Variants in TMX2 observed in about 807,000 individuals in gnomAD.
TMX2 encodes thioredoxin-related transmembrane protein 2.
In TMX2, 20 loss-of-function variants were observed where a neutral mutation model predicts 33.4. The observed-to-expected ratio is 0.60, with a 90% CI of 0.42 to 0.87. The LOEUF (loss-of-function observed/expected upper bound fraction) is 0.87. Among genes scored for constraint, TMX2 ranks in the 40% least tolerant of loss-of-function variants. The pLI, the probability that TMX2 is intolerant of heterozygous loss-of-function variation, is 0.00. For missense variants in TMX2, 340 were observed against 370.7 expected (o/e 0.92, Z 0.68); for synonymous variants, 166 against 140.7 (o/e 1.18, Z -1.27).
At chr11:57,737,515 GC>G (rs1948822234) in intron 1 of TMX2, 92 bp from the exon 2 acceptor site, 2 of 998,024 alleles carry the variant, frequency 2.0e-6, no homozygotes, top group East Asian at 4.9e-5. Context: ...AGTTTGGATC[GC>G]TATTGGTTTT....
intron 1 of TMX2, among the ~76,000 whole-genome samples, chr11:57,723,551 C>T (rs1947777895): frequency 6.6e-6 from 1 of 151,118 alleles, no homozygotes; most frequent in African/African-American, 2.4e-5. Context: ...GCCTGTAATC[C>T]CAGCACTTTG....
chr11:57,721,764 G>C (rs1457127968), intron 1 of TMX2, among the ~76,000 whole-genome samples: 1 of 152,054 alleles, frequency 6.6e-6, no homozygotes, highest in Non-Finnish European at 1.5e-5. Flanking sequence ...TCAAAAATAG[G>C]CTAAGATAGC....
chr11:57,721,568 G>C (rs1020536044), intron 1 of TMX2, among the ~76,000 whole-genome samples: 2 of 151,980 alleles, frequency 1.3e-5, no homozygotes, highest in East Asian at 3.9e-4. Flanking sequence ...CACCAGCCTC[G>C]GCCTCCCAAA....
intron 1 of TMX2, among the ~76,000 whole-genome samples, chr11:57,730,517 A>ATCTGAGG (rs1247548438): frequency 5.6e-4 from 84 of 148,926 alleles, no homozygotes; most frequent in Non-Finnish European, 8.6e-4. Flanking sequence ...CGGGCAGATC[A>ATCTGAGG]TCTGAGGTCA....
At chr11:57,736,264 C>T (rs1948745358) in intron 1 of TMX2, among the ~76,000 whole-genome samples, 1 of 151,678 alleles carries the variant, frequency 6.6e-6, no homozygotes, top group Non-Finnish European at 1.5e-5. Flanking sequence ...AATCTTTTGG[C>T]TTCCCTGGGC....
chr11:57,724,070 A>T (rs950773237), intron 1 of TMX2, among the ~76,000 whole-genome samples: 6 of 151,670 alleles, frequency 4.0e-5, no homozygotes, highest in Admixed American at 6.6e-5. Flanking sequence ...TTCTTTTTTT[A>T]AAAAAAACTT....
At chr11:57,731,138 T>C (rs1382809726) in intron 1 of TMX2, among the ~76,000 whole-genome samples, 1 of 139,214 alleles carries the variant, frequency 7.2e-6, no homozygotes, top group Non-Finnish European at 1.5e-5. Context: ...TTTTTTTTTT[T>C]TTTTTTTTTT....
At chr11:57,719,867 C>T (rs1170375726) in intron 1 of TMX2, among the ~76,000 whole-genome samples, 1 of 152,046 alleles carries the variant, frequency 6.6e-6, no homozygotes, top group Non-Finnish European at 1.5e-5. Flanking sequence ...AAAATCTCTC[C>T]AAATTGGCTT....
chr11:57,735,353 C>T lies in TMX2; in HGVS notation c.190-2255C>T, dbSNP rs201801346. Among the ~76,000 whole-genome samples the T allele has an allele frequency of 9.9e-5, 15 of 151,880 alleles. No individual in the cohort carries two copies. In the East Asian group the frequency reaches 2.8e-3, roughly 28 times the overall value. On this transcript the variant is annotated intron_variant, in intron 1 of 7. Coordinates refer to ENST00000278422, the MANE Select transcript of TMX2 (RefSeq NM_015959.4). ...CCTCCTGAGTAGCTTTGATTACAGG[C>T]GTATGCCACCGTGCCTGGCTAATTT...
rs1352392412 is a variant in TMX2, at chr11:57,737,681, C to T, written c.250+13C>T. The T allele has an allele frequency of 1.3e-5, 21 of 1,612,586 alleles. No homozygotes were observed. The highest frequency in any genetic ancestry group is 1.6e-5 in the Non-Finnish European group (19 of 1,178,716). ...AACCGCAGATCCAGTAAGTTTAGTT[C>T]ACTTCTCAGACTCAAGGTTAGATCT... On this transcript the variant is annotated intron_variant, in intron 2 of 7. Coordinates refer to ENST00000278422, the MANE Select transcript of TMX2 (RefSeq NM_015959.4).
intron 1 of TMX2, among the ~76,000 whole-genome samples, chr11:57,733,666 T>C (rs1222443609): frequency 1.3e-5 from 2 of 152,234 alleles, no homozygotes; most frequent in Non-Finnish European, 1.5e-5. Context: ...TGGCAAAATG[T>C]TGGTTACTGT....
chr11:57,713,135 C>A (rs566335516), intron 1 of TMX2, among the ~76,000 whole-genome samples: 1 of 152,210 alleles, frequency 6.6e-6, no homozygotes, highest in South Asian at 2.1e-4. Flanking sequence ...TTTACAGTGC[C>A]GCTCATTATG....
At chr11:57,734,561 A>G (rs1032550654) in intron 1 of TMX2, among the ~76,000 whole-genome samples, 1 of 151,978 alleles carries the variant, frequency 6.6e-6, no homozygotes, top group African/African-American at 2.4e-5. Flanking sequence ...CAGCCTGGCC[A>G]ACATGGTGAA....
At chr11:57,715,170 C>T (rs1590895055) in intron 1 of TMX2, among the ~76,000 whole-genome samples, 3 of 151,884 alleles carry the variant, frequency 2.0e-5, no homozygotes, top group Admixed American at 1.3e-4. Flanking sequence ...GAGGCTGAGG[C>T]GGGTGGATTT....
Position 57,740,243 on chromosome 11 carries a change from T to G in TMX2, c.889T>G (p.Ter297GluextTer18). 1 of 1,593,942 alleles carries G rather than the reference T, an allele frequency of 6.3e-7. No individual in the cohort carries two copies. Among genetic ancestry groups the G allele is most frequent in the Non-Finnish European group, 8.5e-7 (1 of 1,171,262 alleles). ...VSDGENKKDK* is the reference protein window; with the variant it reads ...VSDGENKKDKE ...AGATGGGGAAAACAAGAAGGATAAATAAGATCCTCACTTTGGCAGTGCTTC... is the reference window on the plus strand; with the variant it reads ...AGATGGGGAAAACAAGAAGGATAAAGAAGATCCTCACTTTGGCAGTGCTTC... The change falls in exon 8 of 8, where the codon TAA becomes GAA. Residue 297 changes from the stop codon to glutamate, a stop_lost. Transcript: ENST00000278422.
chr11:57,733,321 T>G (rs905454782), intron 1 of TMX2, among the ~76,000 whole-genome samples: 5 of 150,050 alleles, frequency 3.3e-5, no homozygotes, highest in Admixed American at 6.7e-5. Flanking sequence ...AATAGCGCTT[T>G]CTCGGCTCAC....
At position 57,726,337 on chromosome 11, in the gene TMX2, C is replaced by T. The variant is rs898125186; in HGVS notation, c.190-11271C>T. 3.3e-5 allele frequency among the ~76,000 whole-genome samples: 5 copies of T among 151,890 alleles called. No homozygotes were observed. In the South Asian group the frequency reaches 8.3e-4, roughly 25 times the overall value. On this transcript the variant is annotated intron_variant, in intron 1 of 7. Coordinates refer to ENST00000278422, the MANE Select transcript of TMX2 (RefSeq NM_015959.4). ...CTGAGGTAGGAGAATTGCTTGAACC[C>T]GGGAGGCGGAGGTTGCAGTGAGCCG...
At chr11:57,726,864 A>G (rs1453433484) in intron 1 of TMX2, among the ~76,000 whole-genome samples, 1 of 152,160 alleles carries the variant, frequency 6.6e-6, no homozygotes, top group Non-Finnish European at 1.5e-5. Context: ...TGGTATCACA[A>G]TTTTCAAATA....
chr11:57,738,436 T>C lies in TMX2; in HGVS notation c.441+6T>C, dbSNP rs1948881344. ...TCAATGATAAAACCATTGATGTGAG[T>C]GCTCTTTCCCCTTTCTGTTTCTTGG... On this transcript the variant is annotated splice_donor_region_variant and intron_variant, in intron 4 of 7. Transcript: ENST00000278422. The C allele has an allele frequency of 1.9e-6, 3 of 1,602,026 alleles. No homozygotes were observed. The highest frequency in any genetic ancestry group is 1.7e-6 in the Non-Finnish European group (2 of 1,169,390).
Sources: allele counts gnomAD v4.1 joint callset (sites outside exome capture counted in the v4.1 genomes callset), GRCh38; gene constraint gnomAD v4.1.1; transcripts MANE v1.5; gene names NCBI Gene and HGNC (gene_info 2026-07-23, HGNC 2026-07-21).